The following AKAP6 variants were observed in gnomAD, a reference collection of about 807,000 sequenced individuals.
AKAP6 encodes A-kinase anchor protein 6.
Under a neutral mutation model 188.5 loss-of-function variants are expected in AKAP6, and 58 were observed. The ratio of observed to expected loss-of-function variants is 0.31; its 90% confidence interval spans 0.25 to 0.38. AKAP6 has a LOEUF of 0.38. Ranked by LOEUF, AKAP6 falls within the 10% of genes least tolerant of loss-of-function variation. The pLI, the probability that AKAP6 is intolerant of heterozygous loss-of-function variation, is 1.00. For missense variants in AKAP6, 2,710 were observed against 2,740.0 expected (o/e 0.99, Z 0.24); for synonymous variants, 989 against 998.6 (o/e 0.99, Z 0.18).
At chr14:32,747,487 A>T (rs2031960697) in intron 11 of AKAP6, among the ~76,000 whole-genome samples, 1 of 152,242 alleles carries the variant, frequency 6.6e-6, no homozygotes, top group Non-Finnish European at 1.5e-5. Flanking sequence ...ATTTAAAAAA[A>T]CTATTATATT....
In AKAP6 at chr14:32,529,329, C is replaced by T. The variant is rs573502329; in HGVS notation, c.325-6225C>T. ...TGTATATTAACCTCATATTCTGCAA[C>T]GTTGCTATGATTGCTTATTAGTCCC... On this transcript the variant is annotated intron_variant, in intron 2 of 13. Coordinates refer to ENST00000280979, the MANE Select transcript of AKAP6 (RefSeq NM_004274.5). 1.4e-4 allele frequency among the ~76,000 whole-genome samples: 22 copies of T among 152,256 alleles called. No individual in the cohort carries two copies. In the South Asian group the frequency reaches 1.9e-3, roughly 13 times the overall value.
In AKAP6 at chr14:32,631,534, T is replaced by C. The variant is rs539799456; in HGVS notation, c.2730+30742T>C. ...TGTAGTTGTACAAAACCAGGAGAAATACATTTATTGATCTCTTGAGAGCAG... is the reference window on the plus strand; with the variant it reads ...TGTAGTTGTACAAAACCAGGAGAAACACATTTATTGATCTCTTGAGAGCAG... On this transcript the variant is annotated intron_variant, in intron 7 of 13. Coordinates refer to ENST00000280979, the MANE Select transcript of AKAP6 (RefSeq NM_004274.5). 2.6e-5 allele frequency among the ~76,000 whole-genome samples: 4 copies of C among 152,082 alleles called. No homozygotes were observed. The East Asian group carries it at 5.8e-4, about 22-fold the overall frequency.
chr14:32,374,766 T>C (rs1164915377), intron 1 of AKAP6, among the ~76,000 whole-genome samples: 1 of 152,242 alleles, frequency 6.6e-6, no homozygotes, highest in East Asian at 1.9e-4. Context: ...GCTAAACTTG[T>C]TTAATCACCT....
At chr14:32,615,220 C>G (rs1886521442) in intron 7 of AKAP6, among the ~76,000 whole-genome samples, 1 of 135,998 alleles carries the variant, frequency 7.4e-6, no homozygotes, top group Non-Finnish European at 1.6e-5. Flanking sequence ...CTTTCAAGCT[C>G]TGGATGCTTT....
rs183597747 is a variant in AKAP6 at position 32,472,043 on chromosome 14, G to A, written c.324+38226G>A. Among the ~76,000 whole-genome samples, 163 of 152,154 alleles carry A rather than the reference G, an allele frequency of 1.1e-3. 1 individual carries two copies. The highest frequency in any genetic ancestry group is 0.01 in the Middle Eastern group (3 of 294). On this transcript the variant is annotated intron_variant, in intron 2 of 13. Coordinates refer to ENST00000280979, the MANE Select transcript of AKAP6 (RefSeq NM_004274.5). ...GTCATAGTTTGGGTTCCCAGGAATC[G>A]GATTCTGAGGCTCTGAGATCTACAT...
chr14:32,716,353 T>C (rs1458282839), intron 9 of AKAP6, among the ~76,000 whole-genome samples: 2 of 151,690 alleles, frequency 1.3e-5, no homozygotes, highest in Admixed American at 1.3e-4. Context: ...ACTTTGTCAC[T>C]GTATATATAT....
intron 11 of AKAP6, among the ~76,000 whole-genome samples, chr14:32,739,235 G>T (rs1322178071): frequency 6.6e-6 from 1 of 151,678 alleles, no homozygotes; most frequent in Non-Finnish European, 1.5e-5. Flanking sequence ...TTAAAATTTT[G>T]AAAATTCGTG....
chr14:32,795,352 A>C (rs1034527976), intron 12 of AKAP6, among the ~76,000 whole-genome samples: 6 of 152,240 alleles, frequency 3.9e-5, no homozygotes, highest in African/African-American at 1.2e-4. Context: ...CTTCAGGCTA[A>C]TATCCTTGAT....
At chr14:32,372,993 GAC>G (rs1431839176) in intron 1 of AKAP6, among the ~76,000 whole-genome samples, 4 of 152,026 alleles carry the variant, frequency 2.6e-5, no homozygotes, top group Non-Finnish European at 2.9e-5. Flanking sequence ...GATGATGTCA[GAC>G]ACAATCCTTG....
intron 1 of AKAP6, among the ~76,000 whole-genome samples, chr14:32,352,308 TG>T (rs1438925375): frequency 6.6e-6 from 1 of 151,960 alleles, no homozygotes; most frequent in African/African-American, 2.4e-5. Flanking sequence ...TATACATATT[TG>T]GGGGGTACAG....
intron 1 of AKAP6, among the ~76,000 whole-genome samples, chr14:32,431,094 G>T (rs1349892382): frequency 7.0e-6 from 1 of 143,834 alleles, no homozygotes; most frequent in African/African-American, 2.5e-5. Context: ...AACAGAGTGA[G>T]ACTCCATCTC....
chr14:32,791,122 G>A (rs924464396), intron 12 of AKAP6, among the ~76,000 whole-genome samples: 1 of 152,134 alleles, frequency 6.6e-6, no homozygotes, highest in Non-Finnish European at 1.5e-5. Context: ...ATAATCCTTT[G>A]GGTATAACTC....
chr14:32,471,394 G>A (rs1303018709), intron 2 of AKAP6, among the ~76,000 whole-genome samples: 1 of 152,166 alleles, frequency 6.6e-6, no homozygotes, highest in Non-Finnish European at 1.5e-5. Flanking sequence ...TCTGTAATGC[G>A]TTTATGGACG....
intron 2 of AKAP6, chr14:32,442,254 C>G (rs1005345782): frequency 7.2e-5 from 11 of 152,068 alleles, no homozygotes; most frequent in African/African-American, 2.4e-4. Context: ...AGCCTCAAGT[C>G]TAATATTCTT....
At chr14:32,559,380 AGAAG>A (rs1401791538) in intron 4 of AKAP6, among the ~76,000 whole-genome samples, 1 of 152,246 alleles carries the variant, frequency 6.6e-6, no homozygotes, top group Non-Finnish European at 1.5e-5. Flanking sequence ...ATTTTTAAAA[AGAAG>A]GAAGAAATCT....
At chr14:32,533,410 A>G (rs1220012224) in intron 2 of AKAP6, among the ~76,000 whole-genome samples, 1 of 152,014 alleles carries the variant, frequency 6.6e-6, no homozygotes, top group Non-Finnish European at 1.5e-5. Context: ...CATCCCTACT[A>G]TAGTGTCTCA....
Position 32,706,515 on chromosome 14 carries a change from G to A in AKAP6, c.3000+10405G>A, listed in dbSNP as rs76365345. Among the ~76,000 whole-genome samples the A allele has an allele frequency of 2.7e-3, 415 of 152,178 alleles. 1 individual carries two copies. Among genetic ancestry groups the A allele is most frequent in the African/African-American group, 9.3e-3 (385 of 41,530 alleles). The stretch of plus-strand genomic sequence containing the variant: ...CAGATGATTCAACCTCCTGGATCCC[G>A]TTATGCCAAAGGAAGTTACTAAAGG... On this transcript the variant is annotated intron_variant, in intron 9 of 13. Coordinates refer to ENST00000280979, the MANE Select transcript of AKAP6 (RefSeq NM_004274.5).
intron 8 of AKAP6, among the ~76,000 whole-genome samples, chr14:32,684,277 A>C (rs1432998664): frequency 6.6e-6 from 1 of 152,134 alleles, no homozygotes; most frequent in South Asian, 2.1e-4. Flanking sequence ...TGAACATAAC[A>C]TTGTCTTTAA....
At chr14:32,731,711 A>T (rs1019418806) in intron 9 of AKAP6, among the ~76,000 whole-genome samples, 3 of 152,104 alleles carry the variant, frequency 2.0e-5, no homozygotes, top group African/African-American at 7.2e-5. Flanking sequence ...CTATGGAGTT[A>T]TCCAAATAGA....
Sources: gnomAD v4.1 joint callset for allele counts (sites outside exome capture counted in the v4.1 genomes callset) on GRCh38, gnomAD v4.1.1 for gene constraint, MANE v1.5 for transcripts, NCBI Gene and HGNC (gene_info 2026-07-23, HGNC 2026-07-21) for gene names.